SCFD2: variants seen among roughly 807,000 people sequenced by gnomAD.
SCFD2 encodes sec1 family domain containing 2.
In SCFD2, 54 loss-of-function variants were observed where a neutral mutation model predicts 58.9. The ratio of observed to expected loss-of-function variants is 0.92; its 90% CI spans 0.74 to 1.15. The LOEUF (loss-of-function observed/expected upper bound fraction) is 1.15, where lower values mean the gene tolerates loss of function less well. Among genes scored for constraint, SCFD2 ranks in the 50% most tolerant of loss-of-function variants. The pLI is 0.00. For missense variants in SCFD2, 805 were observed against 836.6 expected (o/e 0.96, Z 0.47); for synonymous variants, 321 against 335.9 (o/e 0.96, Z 0.49).
chr4:52,992,060 T>G (rs1296245585), intron 5 of SCFD2, among the ~76,000 whole-genome samples: 1 of 151,932 alleles, frequency 6.6e-6, no homozygotes, highest in Non-Finnish European at 1.5e-5. Context: ...CTCCCCACGG[T>G]CTCCCTCTGA....
chr4:53,180,934 T>C (rs993028179), intron 4 of SCFD2, among the ~76,000 whole-genome samples: 11 of 152,178 alleles, frequency 7.2e-5, no homozygotes, highest in Admixed American at 2.6e-4. Context: ...GACAAATACA[T>C]GCTCCCAAGA....
intron 4 of SCFD2, among the ~76,000 whole-genome samples, chr4:53,244,887 A>C (rs749991102): frequency 6.7e-6 from 1 of 148,474 alleles, no homozygotes; most frequent in Non-Finnish European, 1.5e-5. Flanking sequence ...AAAAGAGAGA[A>C]GATTCAAATA....
At chr4:53,170,136 T>C (rs1300789330) in intron 4 of SCFD2, among the ~76,000 whole-genome samples, 1 of 152,230 alleles carries the variant, frequency 6.6e-6, no homozygotes, top group Non-Finnish European at 1.5e-5. Flanking sequence ...TTGCATGTTT[T>C]CTTGTAGTCA....
intron 4 of SCFD2, among the ~76,000 whole-genome samples, chr4:53,173,247 T>G (rs1727231750): frequency 6.6e-6 from 1 of 152,182 alleles, no homozygotes. Flanking sequence ...AAAGTGCATT[T>G]TTGACTTAAA....
intron 4 of SCFD2, among the ~76,000 whole-genome samples, chr4:53,210,116 C>A (rs1315209052): frequency 6.6e-6 from 1 of 151,978 alleles, no homozygotes; most frequent in Admixed American, 6.6e-5. Flanking sequence ...TTCATGATAC[C>A]TTGAGCCAAA....
chr4:53,333,933 G>A (rs71597835), intron 2 of SCFD2, among the ~76,000 whole-genome samples: 37,645 of 138,664 alleles, frequency 0.27, 5,557 homozygotes, highest in Non-Finnish European at 0.34. Context: ...ATCAAAAAGT[G>A]GGTGAAGGAC....
chr4:53,140,310 C>T (rs1452562847), intron 5 of SCFD2, among the ~76,000 whole-genome samples: 1 of 146,812 alleles, frequency 6.8e-6, no homozygotes, highest in African/African-American at 2.5e-5. Context: ...TTAACTTTTA[C>T]ACTTTGATCT....
intron 5 of SCFD2, among the ~76,000 whole-genome samples, chr4:53,017,104 T>TCA (rs1722231947): frequency 7.2e-6 from 1 of 138,986 alleles, no homozygotes; most frequent in South Asian, 2.3e-4. Context: ...CGAGACTCCG[T>TCA]CTCACACACA....
intron 4 of SCFD2, among the ~76,000 whole-genome samples, chr4:53,198,068 A>G (rs1728114917): frequency 6.6e-6 from 1 of 152,084 alleles, no homozygotes; most frequent in South Asian, 2.1e-4. Flanking sequence ...AGTCCTCACC[A>G]TGTCCCAAGA....
intron 2 of SCFD2, among the ~76,000 whole-genome samples, chr4:53,351,451 C>A (rs906985886): frequency 6.6e-6 from 1 of 152,176 alleles, no homozygotes; most frequent in African/African-American, 2.4e-5. Flanking sequence ...CATATCATTT[C>A]TATTCTTTTC....
At chr4:53,253,241 A>C (rs903325905) in intron 4 of SCFD2, among the ~76,000 whole-genome samples, 6 of 152,198 alleles carry the variant, frequency 3.9e-5, no homozygotes, top group African/African-American at 1.4e-4. Flanking sequence ...AGGAAACAAC[A>C]GGTGCTGGAG....
chr4:53,234,203 A>G (rs1230744531), intron 4 of SCFD2, among the ~76,000 whole-genome samples: 1 of 152,210 alleles, frequency 6.6e-6, no homozygotes, highest in Non-Finnish European at 1.5e-5. Context: ...CAGTTTGACA[A>G]TGTTACTGTC....
At chr4:52,901,536 A>G (rs569891358) in intron 7 of SCFD2, among the ~76,000 whole-genome samples, 1 of 152,320 alleles carries the variant, frequency 6.6e-6, no homozygotes, top group South Asian at 2.1e-4. Context: ...ATGGAAAGAA[A>G]CTGAGGCCCC....
intron 4 of SCFD2, among the ~76,000 whole-genome samples, chr4:53,262,487 C>G (rs1030066237): frequency 2.0e-5 from 3 of 152,174 alleles, no homozygotes; most frequent in Non-Finnish European, 4.4e-5. Flanking sequence ...CTAGAAAAGA[C>G]TGTATCTTTC....
intron 5 of SCFD2, among the ~76,000 whole-genome samples, chr4:53,124,535 C>G (rs1434191806): frequency 6.6e-6 from 1 of 151,976 alleles, no homozygotes; most frequent in Non-Finnish European, 1.5e-5. Flanking sequence ...GACTCGCTGT[C>G]AAGAAGATGA....
In SCFD2 at chr4:53,168,684, T is replaced by C. The variant is rs187569395; in HGVS notation, c.1312-23102A>G. On this transcript the variant is annotated intron_variant, in intron 4 of 8. Transcript: ENST00000401642. ...GTGATGTTATGATATATGTATAGAA[T>C]GTGAAATTATTAAATCAAGTTAGCT... is the stretch of plus-strand genomic sequence containing the variant. 2.1e-3 allele frequency among the ~76,000 whole-genome samples: 316 copies of C among 152,308 alleles called. 1 individual carries two copies. Among genetic ancestry groups the C allele is most frequent in the African/African-American group, 7.3e-3 (303 of 41,560 alleles).
intron 4 of SCFD2, among the ~76,000 whole-genome samples, chr4:53,179,563 C>G (rs1727469601): frequency 6.6e-6 from 1 of 152,162 alleles, no homozygotes; most frequent in Admixed American, 6.5e-5. Flanking sequence ...ATTATAAAGA[C>G]CATTGATGCC....
chr4:53,343,698 T>C (rs572532030), intron 2 of SCFD2, among the ~76,000 whole-genome samples: 50 of 152,062 alleles, frequency 3.3e-4, no homozygotes, highest in Admixed American at 7.9e-4. Flanking sequence ...GATGCAAAAA[T>C]CCCCAATAAA....
chr4:53,122,570 C>T (rs1411586748), intron 5 of SCFD2, among the ~76,000 whole-genome samples: 16 of 152,088 alleles, frequency 1.1e-4, no homozygotes, highest in Admixed American at 7.9e-4. Flanking sequence ...GAGGGAATGT[C>T]GGAGCCTCTC....
Sources: gnomAD v4.1 joint callset for allele counts (sites outside exome capture counted in the v4.1 genomes callset) on GRCh38, gnomAD v4.1.1 for gene constraint, MANE v1.5 for transcripts, NCBI Gene and HGNC (gene_info 2026-07-23, HGNC 2026-07-21) for gene names.